Variants in SLC26A7 observed in about 807,000 individuals in gnomAD.
The protein encoded by SLC26A7 is anion exchange transporter.
Under a neutral mutation model 82.5 loss-of-function variants are expected in SLC26A7, and 59 were observed. The ratio of observed to expected loss-of-function variants is 0.72; its 90% CI spans 0.58 to 0.89. SLC26A7 has a LOEUF of 0.89. SLC26A7 is among the 40% of genes least tolerant of loss of function. The probability of loss-of-function intolerance (pLI) is 0.00; values close to 1 mark genes in which losing one functional copy is unlikely to be tolerated. For missense variants in SLC26A7, 820 were observed against 793.0 expected (o/e 1.03, Z -0.41); for synonymous variants, 271 against 274.3 (o/e 0.99, Z 0.12).
chr8:91,228,465 C>T (rs1358107542), intron 2 of SLC26A7, among the ~76,000 whole-genome samples: 1 of 152,192 alleles, frequency 6.6e-6, no homozygotes, highest in Non-Finnish European at 1.5e-5. Context: ...ATTAATATCA[C>T]TGCAGACTAA....
intron 4 of SLC26A7, among the ~76,000 whole-genome samples, chr8:91,314,145 G>C (rs1812565247): frequency 6.6e-6 from 1 of 152,176 alleles, no homozygotes; most frequent in Admixed American, 6.5e-5. Flanking sequence ...GCATGGCCAG[G>C]ATTTTGGGAG....
At chr8:91,339,768 TTATTTGAGAGAAA>T (rs1030161521) in intron 7 of SLC26A7, among the ~76,000 whole-genome samples, 30 of 152,224 alleles carry the variant, frequency 2.0e-4, no homozygotes, top group Non-Finnish European at 3.4e-4. Flanking sequence ...GGGCTGGGTA[TTATTTGAGAGAAA>T]TATTTTGAAC....
At chr8:91,258,398 AC>A (rs961487855) in intron 2 of SLC26A7, among the ~76,000 whole-genome samples, 1 of 141,848 alleles carries the variant, frequency 7.0e-6, no homozygotes, top group African/African-American at 2.6e-5. Flanking sequence ...AATGCAAGTC[AC>A]CCCCCCATCT....
At position 91,396,757 on chromosome 8, in the gene SLC26A7, G is replaced by A. The variant is rs1404425149; in HGVS notation, c.*1660G>A. 6.6e-6 allele frequency: 1 copy of A among 151,944 alleles called. No homozygotes were observed. Among genetic ancestry groups the A allele is most frequent in the Non-Finnish European group, 1.5e-5 (1 of 67,904 alleles). 9.4% of individuals were successfully genotyped at this position (151,944 alleles called of 1,614,324 possible). A position where few individuals can be genotyped will look rare whatever the true frequency, so the allele number is the denominator to read the frequency against. ...AGGAAAAGCAGAAGTAATAATTGGAGGTAAAGTTTCCTTAGAGAAAATAAT... is the reference window on the plus strand; with the variant it reads ...AGGAAAAGCAGAAGTAATAATTGGAAGTAAAGTTTCCTTAGAGAAAATAAT... On this transcript the variant is annotated 3_prime_UTR_variant, in exon 19 of 19. Coordinates refer to ENST00000276609, the MANE Select transcript of SLC26A7 (RefSeq NM_052832.4).
At chr8:91,305,218 C>T (rs142932421) in intron 4 of SLC26A7, among the ~76,000 whole-genome samples, 1 of 152,002 alleles carries the variant, frequency 6.6e-6, no homozygotes, top group African/African-American at 2.4e-5. Flanking sequence ...TGTTAAATAA[C>T]CAAAATTAAA....
chr8:91,275,812 G>C (rs1023007773), intron 2 of SLC26A7, among the ~76,000 whole-genome samples: 2 of 152,120 alleles, frequency 1.3e-5, no homozygotes, highest in Admixed American at 6.5e-5. Flanking sequence ...TGCTGGCCTG[G>C]ACCATGACTG....
intron 9 of SLC26A7, among the ~76,000 whole-genome samples, chr8:91,346,959 C>T (rs1214340972): frequency 6.6e-6 from 1 of 152,100 alleles, no homozygotes; most frequent in East Asian, 1.9e-4. Flanking sequence ...TGTCAGCGTC[C>T]TTAGTGCTAT....
intron 2 of SLC26A7, among the ~76,000 whole-genome samples, chr8:91,279,320 G>C (rs1811503020): frequency 6.6e-6 from 1 of 151,582 alleles, no homozygotes. Context: ...CCCAGTAGTG[G>C]AGTTGCTGAT....
chr8:91,336,604 A>T (rs542052144), intron 6 of SLC26A7, among the ~76,000 whole-genome samples: 1 of 152,138 alleles, frequency 6.6e-6, no homozygotes, highest in Admixed American at 6.6e-5. Flanking sequence ...GCTCTAAAGC[A>T]CTAGTCACAC....
intron 2 of SLC26A7, among the ~76,000 whole-genome samples, chr8:91,234,461 A>G (rs1420881576): frequency 7.4e-6 from 1 of 135,796 alleles, no homozygotes; most frequent in Non-Finnish European, 1.6e-5. Context: ...GCATTCATTA[A>G]AATTGGGTGG....
intron 15 of SLC26A7, among the ~76,000 whole-genome samples, chr8:91,372,594 C>T (rs748247078): frequency 6.6e-5 from 10 of 151,888 alleles, no homozygotes; most frequent in Non-Finnish European, 1.5e-4. Flanking sequence ...ATCTATGTAT[C>T]TGTTTTTGTA....
Position 91,309,588 on chromosome 8 carries a change from A to T in SLC26A7, c.478-8628A>T, listed in dbSNP as rs540212163. On this transcript the variant is annotated intron_variant, in intron 4 of 18. Transcript: ENST00000276609. Reference sequence around the variant, plus strand: ...TGGGTACAGGTCTGCAGCAACCTCAATTCTTGCCTTCTCAGAAGAAATAAT... The same window carrying T: ...TGGGTACAGGTCTGCAGCAACCTCATTTCTTGCCTTCTCAGAAGAAATAAT... Among the ~76,000 whole-genome samples, 19 of 152,230 alleles carry T rather than the reference A, an allele frequency of 1.2e-4. 1 individual carries two copies. The South Asian group carries it at 3.9e-3, about 32-fold the overall frequency.
rs541658507 is a variant in SLC26A7 at position 91,306,864 on chromosome 8, G to A, written c.477+11161G>A. On this transcript the variant is annotated intron_variant, in intron 4 of 18. Transcript: ENST00000276609. ...AGCTAAGACTACAGGGACTTGCCAC[G>A]CTAAAAATGGGAGAAAATTTTTGCA... Among the ~76,000 whole-genome samples the A allele has an allele frequency of 1.5e-3, 224 of 151,856 alleles. 2 individuals carry two copies. The highest frequency in any genetic ancestry group is 5.3e-3 in the African/African-American group (220 of 41,422).
chr8:91,320,437 G>A (rs757263900), intron 5 of SLC26A7, among the ~76,000 whole-genome samples: 1 of 152,188 alleles, frequency 6.6e-6, no homozygotes, highest in Non-Finnish European at 1.5e-5. Context: ...AATTATCACA[G>A]AGTCCTGTAC....
intron 2 of SLC26A7, among the ~76,000 whole-genome samples, chr8:91,234,509 A>G (rs963012260): frequency 1.3e-5 from 2 of 151,620 alleles, no homozygotes; most frequent in Non-Finnish European, 2.9e-5. Flanking sequence ...AGTGGGGCAC[A>G]GAGACTTGGT....
At chr8:91,327,926 G>A (rs1812977438) in intron 5 of SLC26A7, among the ~76,000 whole-genome samples, 2 of 151,992 alleles carry the variant, frequency 1.3e-5, no homozygotes, top group Admixed American at 6.6e-5. Flanking sequence ...ATCATTACTA[G>A]TGAAGAATTA....
chr8:91,227,620 G>A (rs1443090373), intron 2 of SLC26A7, among the ~76,000 whole-genome samples: 1 of 152,124 alleles, frequency 6.6e-6, no homozygotes, highest in African/African-American at 2.4e-5. Context: ...TGGATAAAGA[G>A]TTGCTACATC....
intron 15 of SLC26A7, among the ~76,000 whole-genome samples, chr8:91,379,487 A>G (rs1370421624): frequency 6.6e-6 from 1 of 152,088 alleles, no homozygotes; most frequent in Non-Finnish European, 1.5e-5. Context: ...GACAGAGTAG[A>G]GAGTTCAGAG....
chr8:91,250,224 C>T (rs1810620560), intron 2 of SLC26A7, among the ~76,000 whole-genome samples: 1 of 152,044 alleles, frequency 6.6e-6, no homozygotes, highest in South Asian at 2.1e-4. Flanking sequence ...CGTTTTGGAA[C>T]CTAATTAGCA....
Sources: gnomAD v4.1 joint callset for allele counts (sites outside exome capture counted in the v4.1 genomes callset) on GRCh38, gnomAD v4.1.1 for gene constraint, MANE v1.5 for transcripts, NCBI Gene and HGNC (gene_info 2026-07-23, HGNC 2026-07-21) for gene names.